TACR1: variants seen among roughly 807,000 people sequenced by gnomAD.
TACR1 encodes the protein tachykinin receptor 1, also known as substance-P receptor.
TACR1 carries 25 observed loss-of-function variants against 35.8 expected under a neutral mutation model. That is an observed-to-expected ratio of 0.70 (90% CI 0.51 to 0.98). The LOEUF (loss-of-function observed/expected upper bound fraction) is 0.98, where lower values mean the gene tolerates loss of function less well. TACR1 is among the 50% of genes least tolerant of loss of function. TACR1 has a pLI of 0.00. For synonymous variants in TACR1, 195 were observed against 206.7 expected (o/e 0.94, Z 0.48); for missense variants, 478 against 522.9 (o/e 0.91, Z 0.84).
intron 2 of TACR1, chr2:75,118,912 T>C (rs1673913723): frequency 1.3e-5 from 2 of 152,222 alleles, no homozygotes; most frequent in African/African-American, 4.8e-5. Flanking sequence ...TTTCTCCCGC[T>C]GGGACCTTGC....
chr2:75,061,412 T>C (rs1364878216), intron 2 of TACR1, among the ~76,000 whole-genome samples: 1 of 151,972 alleles, frequency 6.6e-6, no homozygotes, highest in African/African-American at 2.4e-5. Context: ...TAGATTCCAT[T>C]CTTAATATAC....
At chr2:75,172,545 GTGTTCC>G (rs1675315404) in intron 1 of TACR1, among the ~76,000 whole-genome samples, 1 of 151,904 alleles carries the variant, frequency 6.6e-6, no homozygotes, top group African/African-American at 2.4e-5. Flanking sequence ...CCTGAGATGT[GTGTTCC>G]CTGTCCCTTC....
chr2:75,195,585 C>T (rs1456124911), intron 1 of TACR1, among the ~76,000 whole-genome samples: 4 of 152,082 alleles, frequency 2.6e-5, no homozygotes, highest in Admixed American at 6.5e-5. Context: ...CTTTAAAAAT[C>T]CTTTAAAATG....
intron 2 of TACR1, among the ~76,000 whole-genome samples, chr2:75,076,811 C>T (rs1672989713): frequency 6.6e-6 from 1 of 152,140 alleles, no homozygotes; most frequent in South Asian, 2.1e-4. Flanking sequence ...GCCTTCGCAT[C>T]TTCGGTAAGG....
chr2:75,156,347 G>A (rs1019397179), intron 1 of TACR1: 1 of 151,916 alleles, frequency 6.6e-6, no homozygotes, highest in Admixed American at 6.6e-5. Flanking sequence ...CGGGCGCGGT[G>A]GCTCATGCCT....
intron 1 of TACR1, among the ~76,000 whole-genome samples, chr2:75,178,023 T>C (rs994879601): frequency 3.9e-5 from 6 of 152,166 alleles, no homozygotes; most frequent in Admixed American, 2.0e-4. Flanking sequence ...TATCATAAAA[T>C]CTACCAGTCT....
chr2:75,095,105 T>G lies in TACR1; in HGVS notation c.584+25469A>C, dbSNP rs147348894. ...GGCGGGGAATTGTGTCCCTTGGTTC[T>G]TCCATAGGGTCTGTTCCTGTGTTTA... On this transcript the variant is annotated intron_variant, in intron 2 of 4. Transcript: ENST00000305249. Among the ~76,000 whole-genome samples the G allele has an allele frequency of 3.9e-5, 6 of 152,110 alleles. No individual in the cohort carries two copies. The East Asian group carries it at 1.2e-3, about 29-fold the overall frequency.
intron 2 of TACR1, among the ~76,000 whole-genome samples, chr2:75,062,354 ATATCTTCCTC>A (rs1438687544): frequency 6.6e-6 from 1 of 152,176 alleles, no homozygotes; most frequent in Non-Finnish European, 1.5e-5. Flanking sequence ...AAATGGATTG[ATATCTTCCTC>A]TATCTTCCTG....
intron 2 of TACR1, among the ~76,000 whole-genome samples, chr2:75,062,983 T>C (rs1672698538): frequency 6.6e-6 from 1 of 152,190 alleles, no homozygotes; most frequent in Admixed American, 6.5e-5. Flanking sequence ...TCCACATGGG[T>C]GGGGAGGCCT....
At chr2:75,086,440 C>G (rs899999859) in intron 2 of TACR1, among the ~76,000 whole-genome samples, 2 of 152,208 alleles carry the variant, frequency 1.3e-5, no homozygotes, top group Non-Finnish European at 1.5e-5. Flanking sequence ...AAATTATTCT[C>G]AGGTCCAAGT....
At chr2:75,062,289 T>C (rs976348556) in intron 2 of TACR1, among the ~76,000 whole-genome samples, 37 of 151,098 alleles carry the variant, frequency 2.4e-4, no homozygotes. Context: ...AGACAAGCAT[T>C]GAAAAAAACT....
chr2:75,198,855 T>G lies in TACR1; in HGVS notation c.80A>C (p.Gln27Pro). Reference protein sequence around the residue: ...TNTSEPNQFVQPAWQIVLWAA... With the variant: ...TNTSEPNQFVPPAWQIVLWAA... ...CCAAAGGACAATTTGCCAGGCTGGT[T>G]GCACGAACTGATTGGGTTCCGAGGT... is the stretch of plus-strand genomic sequence containing the variant. Residue 27 changes from glutamine (Q) to proline (P), a missense_variant, in exon 1 of 5, where the codon CAA becomes CCA. Coordinates refer to ENST00000305249, the MANE Select transcript of TACR1 (RefSeq NM_001058.4). 3 of 1,614,124 alleles carry G rather than the reference T, an allele frequency of 1.9e-6. No homozygotes were observed. The highest frequency in any genetic ancestry group is 2.5e-6 in the Non-Finnish European group (3 of 1,180,034).
At chr2:75,132,785 T>A (rs1189784645) in intron 1 of TACR1, among the ~76,000 whole-genome samples, 8 of 152,256 alleles carry the variant, frequency 5.3e-5, no homozygotes. Context: ...CTGGGACCAC[T>A]GCAAACTGGA....
chr2:75,183,151 TAAA>T (rs969313316), intron 1 of TACR1, among the ~76,000 whole-genome samples: 2 of 152,164 alleles, frequency 1.3e-5, no homozygotes, highest in African/African-American at 4.8e-5. Context: ...AAAGTCATGA[TAAA>T]AAGAAAATGT....
chr2:75,094,857 ATATTTT>A (rs1222913593), intron 2 of TACR1, among the ~76,000 whole-genome samples: 1 of 91,132 alleles, frequency 1.1e-5, no homozygotes, highest in Non-Finnish European at 2.0e-5. Flanking sequence ...ATATATATAT[ATATTTT>A]TTTTTTTTTT....
chr2:75,081,646 G>T (rs755098113), intron 2 of TACR1, among the ~76,000 whole-genome samples: 4 of 152,166 alleles, frequency 2.6e-5, no homozygotes, highest in Non-Finnish European at 4.4e-5. Flanking sequence ...GCTATGGGCT[G>T]CATTGTCCTG....
intron 1 of TACR1, among the ~76,000 whole-genome samples, chr2:75,172,167 A>G (rs1675302000): frequency 6.6e-6 from 1 of 152,170 alleles, no homozygotes; most frequent in South Asian, 2.1e-4. Context: ...AATCTTTCTT[A>G]CAAACCCCAT....
intron 2 of TACR1, among the ~76,000 whole-genome samples, chr2:75,055,182 A>G (rs1672546122): frequency 2.0e-5 from 3 of 152,270 alleles, no homozygotes; most frequent in South Asian, 2.1e-4. Context: ...TATTCACTCA[A>G]TTTCTCCTTT....
intron 1 of TACR1, among the ~76,000 whole-genome samples, chr2:75,164,849 G>C (rs77124992): frequency 0.017 from 2,566 of 152,280 alleles, 36 homozygotes; most frequent in Middle Eastern, 0.058. Flanking sequence ...ACAATGCTCA[G>C]TCCCAAGTTC....
Sources: gnomAD v4.1 joint callset for allele counts (sites outside exome capture counted in the v4.1 genomes callset) on GRCh38, gnomAD v4.1.1 for gene constraint, MANE v1.5 for transcripts, NCBI Gene and HGNC (gene_info 2026-07-23, HGNC 2026-07-21) for gene names.